Variants in RNF150 observed in about 807,000 individuals in gnomAD.
RNF150 encodes ring finger protein 150.
A neutral mutation model predicts 39.3 loss-of-function variants in RNF150; 24 were observed. The ratio of observed to expected loss-of-function variants is 0.61; its 90% CI spans 0.44 to 0.86. The LOEUF (loss-of-function observed/expected upper bound fraction) is 0.86. Ranked by LOEUF, RNF150 falls within the 40% of genes least tolerant of loss-of-function variation. The pLI is 0.00. For missense variants in RNF150, 502 were observed against 587.8 expected, an observed-to-expected ratio of 0.85 and a Z score of 1.51; for synonymous variants, 255 against 227.3, an observed-to-expected ratio of 1.12 and a Z score of -1.10.
intron 1 of RNF150, among the ~76,000 whole-genome samples, chr4:141,027,939 T>TTTTTTG (rs1735781520): frequency 7.5e-6 from 1 of 133,564 alleles, no homozygotes; most frequent in Non-Finnish European, 1.6e-5. Context: ...TTTTTTTTTT[T>TTTTTTG]TTTTTTTTTT....
chr4:140,895,806 A>T (rs1422253939), intron 6 of RNF150, among the ~76,000 whole-genome samples: 1 of 152,224 alleles, frequency 6.6e-6, no homozygotes, highest in Non-Finnish European at 1.5e-5. Context: ...TTCAAAACTT[A>T]TCTTTTGATC....
chr4:141,099,196 G>T (rs534651399), intron 1 of RNF150, among the ~76,000 whole-genome samples: 3 of 152,156 alleles, frequency 2.0e-5, no homozygotes, highest in African/African-American at 7.2e-5. Context: ...ACTTTCCAAA[G>T]AGCTGGCACT....
chr4:140,958,695 C>T (rs1045330951), intron 2 of RNF150, among the ~76,000 whole-genome samples: 7 of 152,048 alleles, frequency 4.6e-5, no homozygotes, highest in African/African-American at 7.2e-5. Flanking sequence ...CTCTGGTACA[C>T]GGGTTCTCAG....
At chr4:141,163,863 A>T (rs1375626418) in intron 1 of RNF150, among the ~76,000 whole-genome samples, 1 of 152,162 alleles carries the variant, frequency 6.6e-6, no homozygotes, top group African/African-American at 2.4e-5. Context: ...CCAGTGCAAA[A>T]ATGCTGAAAA....
intron 1 of RNF150, among the ~76,000 whole-genome samples, chr4:141,022,995 GTAGA>G (rs1735554941): frequency 6.6e-6 from 1 of 152,192 alleles, no homozygotes; most frequent in South Asian, 2.1e-4. Context: ...CTGATCCTTA[GTAGA>G]TAAAGAATGA....
At chr4:141,090,568 A>G (rs1578717991) in intron 1 of RNF150, among the ~76,000 whole-genome samples, 2 of 152,288 alleles carry the variant, frequency 1.3e-5, no homozygotes, top group East Asian at 3.9e-4. Flanking sequence ...ATGACCACCA[A>G]CTCAAAATAA....
intron 1 of RNF150, among the ~76,000 whole-genome samples, chr4:141,209,529 G>A (rs941592817): frequency 2.0e-5 from 3 of 152,056 alleles, no homozygotes; most frequent in African/African-American, 7.2e-5. Flanking sequence ...ATGTGATTAG[G>A]TGTGAAATTA....
intron 1 of RNF150, among the ~76,000 whole-genome samples, chr4:140,988,397 A>G (rs1022904312): frequency 6.6e-6 from 1 of 152,170 alleles, no homozygotes; most frequent in Non-Finnish European, 1.5e-5. Context: ...TGGTACATCT[A>G]CACTATAGCA....
intron 1 of RNF150, among the ~76,000 whole-genome samples, chr4:141,170,800 T>G (rs1320643473): frequency 6.6e-6 from 1 of 152,198 alleles, no homozygotes; most frequent in African/African-American, 2.4e-5. Context: ...TTCCAGAGAA[T>G]AATTGAACAT....
At chr4:141,085,368 A>G (rs1738323441) in intron 1 of RNF150, among the ~76,000 whole-genome samples, 1 of 152,196 alleles carries the variant, frequency 6.6e-6, no homozygotes, top group Non-Finnish European at 1.5e-5. Context: ...GGGTGGGGAC[A>G]CAACCAAACC....
intron 2 of RNF150, 61 bp from the exon 3 acceptor site, chr4:140,949,433 A>T: frequency 2.2e-6 from 3 of 1,346,114 alleles, no homozygotes; most frequent in Non-Finnish European, 2.1e-6. Flanking sequence ...TTCATTTCTG[A>T]TATCATTTAA....
chr4:140,969,269 A>G (rs3919606), intron 1 of RNF150, among the ~76,000 whole-genome samples: 1 of 152,142 alleles, frequency 6.6e-6, no homozygotes, highest in Non-Finnish European at 1.5e-5. Context: ...GTGTCTGTGT[A>G]TGCTACATCA....
At chr4:140,901,087 A>G (rs1232242089) in intron 6 of RNF150, among the ~76,000 whole-genome samples, 1 of 152,232 alleles carries the variant, frequency 6.6e-6, no homozygotes, top group Non-Finnish European at 1.5e-5. Flanking sequence ...AAGGTCGTGT[A>G]GATGGTATAA....
chr4:140,919,125 C>T (rs1454009302), intron 5 of RNF150, among the ~76,000 whole-genome samples: 2 of 145,364 alleles, frequency 1.4e-5, no homozygotes, highest in African/African-American at 2.5e-5. Flanking sequence ...AAAACTGGCA[C>T]AAGACAGGGA....
At chr4:141,053,722 G>T (rs1736865911) in intron 1 of RNF150, 20 of 1,410,944 alleles carry the variant, frequency 1.4e-5, no homozygotes, top group Non-Finnish European at 1.8e-5. Context: ...GGCATGAGAA[G>T]ACATTAAACC....
chr4:141,173,864 A>C (rs1727767647), intron 1 of RNF150, among the ~76,000 whole-genome samples: 1 of 152,204 alleles, frequency 6.6e-6, no homozygotes, highest in Non-Finnish European at 1.5e-5. Context: ...TCTTCCTCAA[A>C]ACTTCTATGT....
chr4:140,993,707 C>T (rs924411155), intron 1 of RNF150, among the ~76,000 whole-genome samples: 1 of 152,210 alleles, frequency 6.6e-6, no homozygotes, highest in African/African-American at 2.4e-5. Flanking sequence ...CAGCTAGGAA[C>T]TGATTTTGAT....
intron 1 of RNF150, among the ~76,000 whole-genome samples, chr4:140,974,336 A>T (rs1182392097): frequency 2.6e-5 from 4 of 152,226 alleles, no homozygotes; most frequent in Admixed American, 6.5e-5. Context: ...TGTATCAGTA[A>T]TTCATTCCTC....
At chr4:141,196,056 T>G (rs543423961) in intron 1 of RNF150, among the ~76,000 whole-genome samples, 1 of 152,178 alleles carries the variant, frequency 6.6e-6, no homozygotes, top group African/African-American at 2.4e-5. Flanking sequence ...GTTTTGGAAG[T>G]GTAGCAAAAT....
Sources: gnomAD v4.1 joint callset for allele counts (sites outside exome capture counted in the v4.1 genomes callset) on GRCh38, gnomAD v4.1.1 for gene constraint, MANE v1.5 for transcripts, NCBI Gene and HGNC (gene_info 2026-07-23, HGNC 2026-07-21) for gene names.